Variants in VAV3 observed in about 807,000 individuals in gnomAD.
The protein encoded by VAV3 is vav guanine nucleotide exchange factor 3.
In VAV3, 94 loss-of-function variants were observed where a neutral mutation model predicts 131.2. The ratio of observed to expected loss-of-function variants is 0.72; its 90% CI spans 0.61 to 0.85. VAV3 has a LOEUF of 0.85. Ranked by LOEUF, VAV3 falls within the 40% of genes least tolerant of loss-of-function variation. VAV3 has a pLI of 0.00. For missense variants in VAV3, 939 were observed against 1,002.7 expected, an observed-to-expected ratio of 0.94 and a Z score of 0.86; for synonymous variants, 349 against 342.0, an observed-to-expected ratio of 1.02 and a Z score of -0.22.
Position 107,799,068 on chromosome 1 carries a change from A to G in VAV3, c.322-19576T>C, listed in dbSNP as rs1425997346. Among the ~76,000 whole-genome samples the G allele has an allele frequency of 2.0e-5, 3 of 152,222 alleles. No individual in the cohort carries two copies. In the East Asian group the frequency reaches 5.8e-4, roughly 29 times the overall value. ...AGGAAAAAGTGGTAATATAGAAATG[A>G]GAGACCCAAAAATTCTTTGAGCAAT... On this transcript the variant is annotated intron_variant, in intron 2 of 26. Coordinates refer to ENST00000370056, the MANE Select transcript of VAV3 (RefSeq NM_006113.5).
intron 25 of VAV3, among the ~76,000 whole-genome samples, chr1:107,575,235 G>C (rs1407264270): frequency 1.3e-5 from 2 of 152,056 alleles, no homozygotes; most frequent in Non-Finnish European, 2.9e-5. Context: ...ATCACTCATC[G>C]GAGGTTGGTG....
chr1:107,683,472 T>C lies in VAV3; in HGVS notation c.1777+16A>G, dbSNP rs1280834149. ...AGCTGAAGCCATAATTATGGAAGGT[T>C]TAATCAGAAACACACCTGGATCCAC... On this transcript the variant is annotated intron_variant, in intron 19 of 26. Transcript: ENST00000370056. 1 of 1,613,776 alleles carries C rather than the reference T, an allele frequency of 6.2e-7. No individual in the cohort carries two copies. The highest frequency in any genetic ancestry group is 1.7e-5 in the Admixed American group (1 of 59,992).
At chr1:107,903,735 A>G (rs936409417) in intron 1 of VAV3, among the ~76,000 whole-genome samples, 1 of 152,128 alleles carries the variant, frequency 6.6e-6, no homozygotes, top group African/African-American at 2.4e-5. Context: ...TCCTATCTTA[A>G]CATTCCCCAG....
chr1:107,918,700 TATATA>T (rs1311968975), intron 1 of VAV3, among the ~76,000 whole-genome samples: 4 of 75,922 alleles, frequency 5.3e-5, no homozygotes, highest in African/African-American at 1.3e-4. Context: ...TATATATATA[TATATA>T]TTTTTTTTTT....
intron 19 of VAV3, among the ~76,000 whole-genome samples, chr1:107,668,317 A>T (rs546498901): frequency 6.6e-6 from 1 of 152,332 alleles, no homozygotes; most frequent in South Asian, 2.1e-4. Context: ...CTAGTTATGG[A>T]AACACATATA....
chr1:107,885,561 A>G (rs1165996417), intron 1 of VAV3, among the ~76,000 whole-genome samples: 1 of 152,184 alleles, frequency 6.6e-6, no homozygotes, highest in Non-Finnish European at 1.5e-5. Context: ...CTACAGAAAG[A>G]TAATTATCTA....
chr1:107,909,581 T>G (rs182348166), intron 1 of VAV3, among the ~76,000 whole-genome samples: 1 of 152,314 alleles, frequency 6.6e-6, no homozygotes, highest in South Asian at 2.1e-4. Flanking sequence ...ACATACAGCA[T>G]AGAATTGACA....
At chr1:107,849,828 AG>A (rs1249752907) in intron 2 of VAV3, among the ~76,000 whole-genome samples, 1 of 152,226 alleles carries the variant, frequency 6.6e-6, no homozygotes, top group Non-Finnish European at 1.5e-5. Flanking sequence ...CATCTGACAA[AG>A]GGCTAATATC....
chr1:107,901,284 C>T (rs1671843848), intron 1 of VAV3, among the ~76,000 whole-genome samples: 1 of 152,200 alleles, frequency 6.6e-6, no homozygotes, highest in Admixed American at 6.5e-5. Context: ...CTAAATTATA[C>T]ACCAAGGTAT....
intron 15 of VAV3, among the ~76,000 whole-genome samples, chr1:107,707,218 T>C (rs577176774): frequency 5.9e-5 from 9 of 152,144 alleles, no homozygotes; most frequent in Non-Finnish European, 1.0e-4. Flanking sequence ...AAATCTAGAA[T>C]CAAACACTAA....
intron 19 of VAV3, 39 bp downstream of exon 19, chr1:107,683,449 C>T (rs762210994): frequency 5.6e-6 from 9 of 1,610,834 alleles, no homozygotes; most frequent in Non-Finnish European, 7.6e-6. Flanking sequence ...AAGCACTTAG[C>T]TGAAGCCATA....
chr1:107,740,238 G>A (rs573660778), intron 15 of VAV3, among the ~76,000 whole-genome samples: 2 of 151,146 alleles, frequency 1.3e-5, no homozygotes, highest in African/African-American at 4.9e-5. Context: ...ACTGAGCTGA[G>A]ATCGCGCCAC....
At chr1:107,959,097 A>T (rs1008758782) in intron 1 of VAV3, among the ~76,000 whole-genome samples, 1 of 151,918 alleles carries the variant, frequency 6.6e-6, no homozygotes, top group African/African-American at 2.4e-5. Context: ...CCCCGTCTCT[A>T]CTAAAATACA....
intron 1 of VAV3, among the ~76,000 whole-genome samples, chr1:107,875,409 G>T (rs1317738108): frequency 6.6e-6 from 1 of 152,140 alleles, no homozygotes; most frequent in Non-Finnish European, 1.5e-5. Context: ...GTTAGAGAAG[G>T]TCTCACAGAG....
chr1:107,869,810 C>T (rs1026578359), intron 2 of VAV3, among the ~76,000 whole-genome samples: 1 of 152,154 alleles, frequency 6.6e-6, no homozygotes, highest in Admixed American at 6.6e-5. Flanking sequence ...TTCACACTTT[C>T]CCCTGAGTCC....
intron 15 of VAV3, among the ~76,000 whole-genome samples, chr1:107,720,692 T>A (rs10785828): frequency 6.6e-6 from 1 of 151,930 alleles, no homozygotes. Flanking sequence ...AGAAAAAGTG[T>A]AGTGCTTTAG....
intron 1 of VAV3, among the ~76,000 whole-genome samples, chr1:107,906,147 A>G (rs866998717): frequency 6.6e-6 from 1 of 152,200 alleles, no homozygotes; most frequent in South Asian, 2.1e-4. Flanking sequence ...ATGAGCCCCC[A>G]AGGAGGAGAT....
intron 1 of VAV3, among the ~76,000 whole-genome samples, chr1:107,954,493 A>G (rs1674704175): frequency 6.6e-6 from 1 of 151,998 alleles, no homozygotes; most frequent in South Asian, 2.1e-4. Flanking sequence ...ATAGTGTGAT[A>G]AATGTGTATG....
At chr1:107,589,803 T>C (rs1650798647) in intron 25 of VAV3, among the ~76,000 whole-genome samples, 1 of 152,114 alleles carries the variant, frequency 6.6e-6, no homozygotes, top group Admixed American at 6.6e-5. Flanking sequence ...CTAAGTTAAG[T>C]GGATGGTTAG....
Sources: allele counts gnomAD v4.1 joint callset (sites outside exome capture counted in the v4.1 genomes callset), GRCh38; gene constraint gnomAD v4.1.1; transcripts MANE v1.5; gene names NCBI Gene and HGNC (gene_info 2026-07-23, HGNC 2026-07-21).